The following TGFBR3 variants were observed in gnomAD, a reference collection of about 807,000 sequenced individuals.
TGFBR3 encodes transforming growth factor beta receptor 3, also known as transforming growth factor beta receptor type 3.
In TGFBR3, 46 loss-of-function variants were observed where a neutral mutation model predicts 87.9. That is an observed-to-expected ratio of 0.52 (90% CI 0.41 to 0.67). The LOEUF is 0.67. Ranked by LOEUF, TGFBR3 falls within the 30% of genes least tolerant of loss-of-function variation. TGFBR3 has a pLI of 0.00. For missense variants in TGFBR3, 866 were observed against 1,041.9 expected (o/e 0.83, Z 2.32); for synonymous variants, 381 against 391.6 (o/e 0.97, Z 0.32).
intron 2 of TGFBR3, 62 bp downstream of exon 2, chr1:91,861,409 G>T: frequency 7.7e-7 from 1 of 1,300,506 alleles, no homozygotes; most frequent in Non-Finnish European, 1.1e-6. Flanking sequence ...CAACTAAAGA[G>T]ACTGGGACAA....
At chr1:91,823,143 A>C (rs900681068) in intron 2 of TGFBR3, among the ~76,000 whole-genome samples, 6 of 152,054 alleles carry the variant, frequency 3.9e-5, no homozygotes, top group African/African-American at 1.4e-4. Context: ...CTGGAGGGGG[A>C]GCCTCCCTAA....
At chr1:91,812,722 C>A (rs1676073213) in intron 2 of TGFBR3, among the ~76,000 whole-genome samples, 1 of 152,104 alleles carries the variant, frequency 6.6e-6, no homozygotes, top group Admixed American at 6.5e-5. Flanking sequence ...AAGCAATTCT[C>A]CCTACCTCAG....
intron 1 of TGFBR3, among the ~76,000 whole-genome samples, chr1:91,873,423 C>T (rs1465275630): frequency 1.3e-5 from 2 of 151,256 alleles, no homozygotes; most frequent in African/African-American, 2.4e-5. Context: ...GCTGGGATTA[C>T]AGGTGCCTGC....
At chr1:91,769,603 G>A (rs1674303524) in intron 3 of TGFBR3, among the ~76,000 whole-genome samples, 1 of 151,888 alleles carries the variant, frequency 6.6e-6, no homozygotes, top group Non-Finnish European at 1.5e-5. Flanking sequence ...GGCCCCACAT[G>A]ATTGGAGAGA....
intron 4 of TGFBR3, among the ~76,000 whole-genome samples, chr1:91,743,661 G>C (rs971842955): frequency 2.6e-5 from 4 of 151,970 alleles, no homozygotes; most frequent in African/African-American, 9.7e-5. Context: ...CCAAGTGTTG[G>C]GTACAAAAAA....
At chr1:91,820,750 A>C (rs1006102374) in intron 2 of TGFBR3, among the ~76,000 whole-genome samples, 7 of 152,220 alleles carry the variant, frequency 4.6e-5, no homozygotes, top group Admixed American at 1.3e-4. Context: ...CATATGCTGC[A>C]TTTAAAACAC....
chr1:91,811,988 T>C (rs1381581274), intron 2 of TGFBR3, among the ~76,000 whole-genome samples: 1 of 152,180 alleles, frequency 6.6e-6, no homozygotes, highest in Non-Finnish European at 1.5e-5. Context: ...CTTTGGTGTT[T>C]TTCCACTCTG....
chr1:91,749,052 C>T (rs1417975370), intron 4 of TGFBR3, among the ~76,000 whole-genome samples: 1 of 152,056 alleles, frequency 6.6e-6, no homozygotes. Context: ...GTTGACAGGC[C>T]ACGAGTCATT....
At chr1:91,708,923 T>C in intron 13 of TGFBR3, 140 bp from the exon 14 acceptor site, 1 of 1,233,018 alleles carries the variant, frequency 8.1e-7, no homozygotes, top group South Asian at 1.3e-5. Context: ...GGTGGGTGTT[T>C]TTCAGAGAAC....
rs1287261247 is a variant in TGFBR3 at position 91,716,551 on chromosome 1, T to A, written c.1707+17A>T. On this transcript the variant is annotated intron_variant, in intron 11 of 16. Transcript: ENST00000212355. Reference sequence around the variant, plus strand: ...ACAGCATTTTCCACAAACCCCCTACTGATAACAAACACATACCACCACGAT... The same window carrying A: ...ACAGCATTTTCCACAAACCCCCTACAGATAACAAACACATACCACCACGAT... 1 of 1,613,938 alleles carries A rather than the reference T, an allele frequency of 6.2e-7. No individual in the cohort carries two copies. The highest frequency in any genetic ancestry group is 2.2e-5 in the East Asian group (1 of 44,894).
intron 3 of TGFBR3, 83 bp from the exon 4 acceptor site, chr1:91,758,833 T>C: frequency 6.4e-7 from 1 of 1,555,242 alleles, no homozygotes. Context: ...GAATACTTTT[T>C]TTGCAACTCA....
chr1:91,793,015 G>A (rs1356684362), intron 3 of TGFBR3, among the ~76,000 whole-genome samples: 1 of 152,216 alleles, frequency 6.6e-6, no homozygotes, highest in Non-Finnish European at 1.5e-5. Flanking sequence ...CCAGCAGGGA[G>A]GCCGATGACA....
intron 2 of TGFBR3, among the ~76,000 whole-genome samples, chr1:91,848,481 G>C (rs1677595102): frequency 6.6e-6 from 1 of 151,924 alleles, no homozygotes; most frequent in South Asian, 2.1e-4. Flanking sequence ...TTCCACCTCT[G>C]GCAAAACCAC....
chr1:91,787,704 C>G lies in TGFBR3; in HGVS notation c.246+9583G>C, dbSNP rs116946053. ...TCAAGAACCCCCGAGGTTAGGCACA[C>G]TGGCTCACGCCTGTAAGCTCAGCAC... On this transcript the variant is annotated intron_variant, in intron 3 of 16. Transcript: ENST00000212355. Among the ~76,000 whole-genome samples, 7 of 152,274 alleles carry G rather than the reference C, an allele frequency of 4.6e-5. No homozygotes were observed. The East Asian group carries it at 1.4e-3, about 30-fold the overall frequency.
chr1:91,716,671 C>A lies in TGFBR3; in HGVS notation c.1604G>T (p.Gly535Val). Reference sequence around the variant, plus strand: ...CAGATCTTCATAACCATCTGGCCAACCACTACTGTCCCCAAGGGCTGGAAC... The same window carrying A: ...CAGATCTTCATAACCATCTGGCCAAACACTACTGTCCCCAAGGGCTGGAAC... ...IQVPALGDSS[G>V]WPDGYEDLES... The change falls in exon 11 of 17, where the codon GGT (glycine) becomes GTT (valine). Residue 535 changes from glycine (G) to valine (V), a missense_variant. Physicochemically the swap from Gly to Val is moderately radical, Grantham distance 109 (BLOSUM62 -3). Coordinates refer to ENST00000212355, the MANE Select transcript of TGFBR3 (RefSeq NM_003243.5). 6.2e-7 allele frequency: 1 copy of A among 1,614,134 alleles called. No homozygotes were observed. Among genetic ancestry groups the A allele is most frequent in the Non-Finnish European group, 8.5e-7 (1 of 1,180,032 alleles).
chr1:91,736,707 GTAAA>G (rs1393382264), intron 4 of TGFBR3, among the ~76,000 whole-genome samples: 2 of 152,108 alleles, frequency 1.3e-5, no homozygotes, highest in Non-Finnish European at 2.9e-5. Context: ...TTGCACTGTA[GTAAA>G]ATCTTCCTTT....
At chr1:91,763,780 G>A (rs1480343673) in intron 3 of TGFBR3, among the ~76,000 whole-genome samples, 1 of 152,126 alleles carries the variant, frequency 6.6e-6, no homozygotes, top group Admixed American at 6.5e-5. Flanking sequence ...ACTCAAACCT[G>A]ACCCCAGATG....
At chr1:91,885,591 G>A (rs1470340936) in intron 1 of TGFBR3, among the ~76,000 whole-genome samples, 2 of 152,184 alleles carry the variant, frequency 1.3e-5, no homozygotes, top group Admixed American at 6.5e-5. Flanking sequence ...GAGGAAGAGT[G>A]AGGGCGGGCG....
chr1:91,877,569 T>C lies in TGFBR3; in HGVS notation c.-114+8309A>G, dbSNP rs180747688. 4.3e-4 allele frequency among the ~76,000 whole-genome samples: 65 copies of C among 152,264 alleles called. No homozygotes were observed. In the East Asian group the frequency reaches 0.011, roughly 25 times the overall value. ...CTCCTTATTTAGCCCACACAGTGAA[T>C]GAAATTAAAACCTGGAACGTCTTAG... On this transcript the variant is annotated intron_variant, in intron 1 of 16. Coordinates refer to ENST00000212355, the MANE Select transcript of TGFBR3 (RefSeq NM_003243.5).
Sources: allele counts gnomAD v4.1 joint callset (sites outside exome capture counted in the v4.1 genomes callset), GRCh38; gene constraint gnomAD v4.1.1; transcripts MANE v1.5; gene names NCBI Gene and HGNC (gene_info 2026-07-23, HGNC 2026-07-21).